Variants in FBXL17 observed in about 807,000 individuals in gnomAD.
The protein encoded by FBXL17 is F-box/LRR-repeat protein 17.
Under a neutral mutation model 66.2 loss-of-function variants are expected in FBXL17, and 22 were observed. The observed-to-expected ratio is 0.33, with a 90% confidence interval of 0.24 to 0.47. FBXL17 has a LOEUF of 0.47. Ranked by LOEUF, FBXL17 falls within the 20% of genes least tolerant of loss-of-function variation. The probability of loss-of-function intolerance (pLI) is 1.00; values close to 1 mark genes in which losing one functional copy is unlikely to be tolerated. For synonymous variants in FBXL17, 474 were observed against 400.5 expected (o/e 1.18, Z -2.19); for missense variants, 878 against 948.2 (o/e 0.93, Z 0.97).
rs555175532 is a variant in FBXL17, at chr5:107,941,891, G to A, written c.1823-60712C>T. 1.4e-4 allele frequency among the ~76,000 whole-genome samples: 22 copies of A among 152,268 alleles called. 1 individual carries two copies. The South Asian group carries it at 4.1e-3, about 29-fold the overall frequency. ...GTTAGAAAAGAAGGTGACAGAATTC[G>A]TAGGCTTCCTTCCGTGACCGTCGTG... On this transcript the variant is annotated intron_variant, in intron 7 of 8. Transcript: ENST00000542267.
At chr5:108,184,596 C>G (rs942545183) in intron 6 of FBXL17, among the ~76,000 whole-genome samples, 5 of 151,580 alleles carry the variant, frequency 3.3e-5, no homozygotes, top group Non-Finnish European at 7.4e-5. Flanking sequence ...TGTGAGCCAC[C>G]GTGCCCAGCC....
chr5:108,284,732 T>C (rs1757832403), intron 4 of FBXL17, among the ~76,000 whole-genome samples: 1 of 151,902 alleles, frequency 6.6e-6, no homozygotes, highest in Admixed American at 6.6e-5. Context: ...ATGCAAATGA[T>C]CATCTGAGCC....
At chr5:108,097,180 ACTCT>A (rs760247602) in intron 6 of FBXL17, among the ~76,000 whole-genome samples, 1 of 151,728 alleles carries the variant, frequency 6.6e-6, no homozygotes, top group Admixed American at 6.6e-5. Flanking sequence ...GTGTGTTCAC[ACTCT>A]CTCTCTACCT....
chr5:108,364,117 C>CT (rs1404491282), intron 3 of FBXL17, among the ~76,000 whole-genome samples: 2 of 151,946 alleles, frequency 1.3e-5, no homozygotes, highest in Non-Finnish European at 2.9e-5. Context: ...TCCCAAATTT[C>CT]TTTTCATACC....
At chr5:108,067,031 A>G (rs1482045318) in intron 6 of FBXL17, among the ~76,000 whole-genome samples, 1 of 152,090 alleles carries the variant, frequency 6.6e-6, no homozygotes, top group African/African-American at 2.4e-5. Flanking sequence ...ATAATAAAGC[A>G]AGGTCACAGT....
At chr5:108,270,473 T>C (rs1478136698) in intron 4 of FBXL17, among the ~76,000 whole-genome samples, 1 of 149,290 alleles carries the variant, frequency 6.7e-6, no homozygotes, top group Non-Finnish European at 1.5e-5. Flanking sequence ...TATTTATTTA[T>C]AAATACATAA....
At chr5:107,862,581 A>C (rs189115546) in intron 8 of FBXL17, among the ~76,000 whole-genome samples, 200 of 152,354 alleles carry the variant, frequency 1.3e-3, no homozygotes, top group African/African-American at 4.6e-3. Flanking sequence ...TCACAGAAGT[A>C]GACAGTTTTC....
At chr5:108,056,172 T>C (rs1017787776) in intron 6 of FBXL17, among the ~76,000 whole-genome samples, 1 of 152,332 alleles carries the variant, frequency 6.6e-6, no homozygotes. Context: ...AAGGCCATGG[T>C]AGCTTGATTC....
intron 5 of FBXL17, among the ~76,000 whole-genome samples, chr5:108,200,837 G>A (rs528970980): frequency 7.2e-5 from 11 of 152,236 alleles, no homozygotes; most frequent in South Asian, 4.1e-4. Context: ...CCTGTAATAC[G>A]TCTGGGCTAG....
intron 4 of FBXL17, among the ~76,000 whole-genome samples, chr5:108,276,280 A>G (rs1580730742): frequency 7.4e-6 from 1 of 134,350 alleles, no homozygotes; most frequent in African/African-American, 2.8e-5. Context: ...ACTTTCAGAG[A>G]AACTATCAAA....
intron 5 of FBXL17, among the ~76,000 whole-genome samples, chr5:108,207,617 T>G (rs1272714793): frequency 6.6e-6 from 1 of 152,144 alleles, no homozygotes; most frequent in Non-Finnish European, 1.5e-5. Context: ...GAATGATGGT[T>G]TGCAGTTTCC....
At chr5:107,905,270 C>T (rs1000182995) in intron 7 of FBXL17, among the ~76,000 whole-genome samples, 1 of 152,030 alleles carries the variant, frequency 6.6e-6, no homozygotes, top group Non-Finnish European at 1.5e-5. Context: ...AAAACCAATT[C>T]CTCTTTCATA....
At chr5:108,191,209 C>T (rs1194208109) in intron 5 of FBXL17, among the ~76,000 whole-genome samples, 1 of 152,190 alleles carries the variant, frequency 6.6e-6, no homozygotes, top group Non-Finnish European at 1.5e-5. Flanking sequence ...TTCGAAGTCA[C>T]AAAAATTTTA....
At chr5:108,327,163 T>A (rs949274095) in intron 4 of FBXL17, among the ~76,000 whole-genome samples, 1 of 152,206 alleles carries the variant, frequency 6.6e-6, no homozygotes, top group Non-Finnish European at 1.5e-5. Flanking sequence ...TAAACTATGA[T>A]ATACATACAA....
chr5:108,013,078 T>A lies in FBXL17; in HGVS notation c.1822+7847A>T, dbSNP rs1580327666. Reference sequence around the variant, plus strand: ...TGGAATATTAATAAAATTAAATGAATAATGCCCACAGAAAACATCCAATAC... The same window carrying A: ...TGGAATATTAATAAAATTAAATGAAAAATGCCCACAGAAAACATCCAATAC... On this transcript the variant is annotated intron_variant, in intron 7 of 8. Coordinates refer to ENST00000542267, the MANE Select transcript of FBXL17 (RefSeq NM_001163315.3). Among the ~76,000 whole-genome samples the A allele has an allele frequency of 2.1e-5, 3 of 141,750 alleles. No individual in the cohort carries two copies. The East Asian group carries it at 6.1e-4, about 29-fold the overall frequency. The allele number at this position is 141,750 out of a possible 152,430, so 93.0% of individuals were successfully genotyped here.
At chr5:108,103,894 T>C (rs968777541) in intron 6 of FBXL17, among the ~76,000 whole-genome samples, 1 of 152,216 alleles carries the variant, frequency 6.6e-6, no homozygotes, top group Non-Finnish European at 1.5e-5. Context: ...AACTTTTTGT[T>C]GATTTACCCT....
At chr5:107,880,637 G>A in intron 8 of FBXL17, 1 of 1,153,008 alleles carries the variant, frequency 8.7e-7, no homozygotes, top group East Asian at 4.5e-5. Context: ...AAACCAATTT[G>A]GCACTGTTCT....
At chr5:108,241,044 C>G (rs1196866647) in intron 4 of FBXL17, among the ~76,000 whole-genome samples, 3 of 152,056 alleles carry the variant, frequency 2.0e-5, no homozygotes, top group African/African-American at 7.2e-5. Flanking sequence ...ATGAACAAGC[C>G]CAAACTGCAA....
intron 7 of FBXL17, among the ~76,000 whole-genome samples, chr5:107,908,993 T>C (rs532594923): frequency 1.3e-5 from 2 of 152,304 alleles, no homozygotes; most frequent in East Asian, 1.9e-4. Flanking sequence ...GCCGTCGTGA[T>C]AGATTGTGCC....
Sources: gnomAD v4.1 joint callset for allele counts (sites outside exome capture counted in the v4.1 genomes callset) on GRCh38, gnomAD v4.1.1 for gene constraint, MANE v1.5 for transcripts, NCBI Gene and HGNC (gene_info 2026-07-23, HGNC 2026-07-21) for gene names.